Variants in ATXN7 observed in about 807,000 individuals in gnomAD.
ATXN7 encodes ataxin 7, also known as ataxin-7.
In ATXN7, 12 loss-of-function variants were observed where a neutral mutation model predicts 70.5. That is an observed-to-expected ratio of 0.17 (90% CI 0.11 to 0.28). The LOEUF (loss-of-function observed/expected upper bound fraction) is 0.28, where lower values mean the gene tolerates loss of function less well. ATXN7 is among the 10% of genes least tolerant of loss of function. ATXN7 has a pLI of 1.00. For missense variants in ATXN7, 1,256 were observed against 1,131.7 expected, an observed-to-expected ratio of 1.11 and a Z score of -1.58; for synonymous variants, 498 against 448.7, an observed-to-expected ratio of 1.11 and a Z score of -1.39.
chr3:63,998,655 G>A, intron 12 of ATXN7: 2 of 985,340 alleles, frequency 2.0e-6, no homozygotes, highest in African/African-American at 3.5e-5. Flanking sequence ...GCAAGAGCAG[G>A]GGTGCTTGCT....
At chr3:63,965,568 ATTTTAGTCTGTAGTATTT>A (rs2075207651) in intron 5 of ATXN7, among the ~76,000 whole-genome samples, 1 of 152,162 alleles carries the variant, frequency 6.6e-6, no homozygotes, top group African/African-American at 2.4e-5. Context: ...TTAAGATGTT[ATTTTAGTCTGTAGTATTT>A]TTTTAGTCTG....
chr3:63,961,724 T>C (rs1446890948), intron 5 of ATXN7, among the ~76,000 whole-genome samples: 1 of 152,016 alleles, frequency 6.6e-6, no homozygotes, highest in African/African-American at 2.4e-5. Context: ...AAAGGCTTAA[T>C]AAAAATTAAG....
intron 5 of ATXN7, among the ~76,000 whole-genome samples, chr3:63,973,141 G>T (rs2075340769): frequency 6.6e-6 from 1 of 152,142 alleles, no homozygotes; most frequent in Admixed American, 6.5e-5. Flanking sequence ...TTAGTAACTG[G>T]CAGAGCAAGG....
chr3:63,990,789 T>C lies in ATXN7; in HGVS notation c.1612T>C (p.Ser538Pro). The part of the protein sequence containing the change: ...QIGRGYYVFD[S>P]RWNRLRCALN... Reference sequence around the variant, plus strand: ...AGGAAGAGGCTATTACGTGTTTGACTCCAGGTGGAATCGACTTCGCTGCGC... The same window carrying C: ...AGGAAGAGGCTATTACGTGTTTGACCCCAGGTGGAATCGACTTCGCTGCGC... Residue 538 changes from serine (S) to proline (P), a missense_variant, in exon 11 of 13, where the codon TCC (serine) becomes CCC (proline). Transcript: ENST00000674280. 6.2e-7 allele frequency: 1 copy of C among 1,614,204 alleles called. No individual in the cohort carries two copies. Among genetic ancestry groups the C allele is most frequent in the Non-Finnish European group, 8.5e-7 (1 of 1,180,034 alleles).
At chr3:63,922,491 A>G (rs1174072596) in intron 4 of ATXN7, among the ~76,000 whole-genome samples, 1 of 152,156 alleles carries the variant, frequency 6.6e-6, no homozygotes, top group Non-Finnish European at 1.5e-5. Flanking sequence ...GTACTTGCTC[A>G]TCTTCTGGAA....
At chr3:63,986,973 A>G (rs182181214) in intron 8 of ATXN7, among the ~76,000 whole-genome samples, 147 of 152,284 alleles carry the variant, frequency 9.7e-4, no homozygotes, top group Middle Eastern at 6.8e-3. Flanking sequence ...ATTAGGGGCC[A>G]CTGTAGCTCA....
Position 63,863,908 on chromosome 3 carries a change from G to A in ATXN7, c.-361G>A. On this transcript the variant is annotated 5_prime_UTR_variant, in exon 1 of 13. Transcript: ENST00000674280. ...AACAGCCATGGAGGAGGAGGCGGCGGCGCCCGCGGCCGCCTGCTCCGACGC... is the reference window on the plus strand; with the variant it reads ...AACAGCCATGGAGGAGGAGGCGGCGACGCCCGCGGCCGCCTGCTCCGACGC... The A allele has an allele frequency of 1.9e-6, 2 of 1,062,940 alleles. No homozygotes were observed. The highest frequency in any genetic ancestry group is 2.3e-6 in the Non-Finnish European group (2 of 875,958). 65.8% of individuals were successfully genotyped at this position (1,062,940 alleles called of 1,614,324 possible).
intron 12 of ATXN7, 183 bp downstream of exon 12, chr3:63,996,666 A>C: frequency 1.3e-6 from 1 of 740,998 alleles, no homozygotes; most frequent in Non-Finnish European, 2.1e-6. Flanking sequence ...TGAAGGTAAA[A>C]CAGGCTCTTC....
At chr3:63,987,293 A>G (rs1428178113) in intron 8 of ATXN7, among the ~76,000 whole-genome samples, 3 of 152,220 alleles carry the variant, frequency 2.0e-5, no homozygotes, top group South Asian at 4.1e-4. Context: ...AAACACTGCC[A>G]TAATTTGACT....
intron 9 of ATXN7, among the ~76,000 whole-genome samples, chr3:63,988,786 A>G (rs994629410): frequency 5.9e-5 from 9 of 152,200 alleles, no homozygotes; most frequent in Non-Finnish European, 7.3e-5. Context: ...GCTTTGGCCC[A>G]AGCATGTATT....
chr3:63,948,438 G>A (rs2074901749), intron 4 of ATXN7, among the ~76,000 whole-genome samples: 1 of 152,156 alleles, frequency 6.6e-6, no homozygotes, highest in South Asian at 2.1e-4. Flanking sequence ...AGGCAGTCTG[G>A]TACGTGAAAC....
rs966848279 is a variant in ATXN7 at position 63,864,052 on chromosome 3, GC to G, written c.-216del. The stretch of plus-strand genomic sequence containing the variant: ...CCGGCGCGAGTTGGGGCGAGGCTTG[GC>G]GGCCGGCGGCGGCCCCGGCTGCAGC... On this transcript the variant is annotated 5_prime_UTR_variant, in exon 1 of 13. The change creates a premature stop within an existing upstream ORF in the 5' untranslated region. Transcript: ENST00000674280. The G allele has an allele frequency of 6.9e-6, 1 of 145,478 alleles. No individual in the cohort carries two copies. The highest frequency in any genetic ancestry group is 6.8e-5 in the Admixed American group (1 of 14,682). 9.0% of individuals were successfully genotyped at this position (145,478 alleles called of 1,614,324 possible).
chr3:63,970,372 C>G (rs967721724), intron 5 of ATXN7, among the ~76,000 whole-genome samples: 4 of 152,004 alleles, frequency 2.6e-5, no homozygotes, highest in African/African-American at 9.7e-5. Context: ...ACTCAGACCA[C>G]TCAGTTTTAT....
At chr3:63,891,553 C>A (rs1703263771) in intron 1 of ATXN7, among the ~76,000 whole-genome samples, 1 of 149,960 alleles carries the variant, frequency 6.7e-6, no homozygotes, top group African/African-American at 2.5e-5. Context: ...GAACTCCTGG[C>A]CTCAAGGGAT....
At chr3:63,977,247 G>C (rs192002601) in intron 5 of ATXN7, among the ~76,000 whole-genome samples, 3 of 152,294 alleles carry the variant, frequency 2.0e-5, no homozygotes, top group Non-Finnish European at 2.9e-5. Flanking sequence ...TTGTTTCTTA[G>C]TATATCGGTG....
chr3:63,930,124 T>A (rs1704891302), intron 4 of ATXN7, among the ~76,000 whole-genome samples: 1 of 152,214 alleles, frequency 6.6e-6, no homozygotes, highest in African/African-American at 2.4e-5. Flanking sequence ...ATTTTAATGG[T>A]TCTGAAATAG....
intron 5 of ATXN7, among the ~76,000 whole-genome samples, chr3:63,971,539 A>G (rs2075312485): frequency 6.6e-6 from 1 of 152,200 alleles, no homozygotes; most frequent in Admixed American, 6.5e-5. Flanking sequence ...GAAGAATAAG[A>G]AAATTTAGAG....
intron 4 of ATXN7, among the ~76,000 whole-genome samples, chr3:63,949,785 T>C (rs1464513880): frequency 6.6e-6 from 1 of 152,130 alleles, no homozygotes; most frequent in Non-Finnish European, 1.5e-5. Context: ...GTGCATGCTT[T>C]TTAGAGAGAT....
chr3:63,935,071 A>G (rs998567404), intron 4 of ATXN7, among the ~76,000 whole-genome samples: 7 of 152,190 alleles, frequency 4.6e-5, no homozygotes, highest in Non-Finnish European at 1.0e-4. Context: ...GTATGTAGAA[A>G]TGTTCTTCAG....
Sources: allele counts gnomAD v4.1 joint callset (sites outside exome capture counted in the v4.1 genomes callset), GRCh38; gene constraint gnomAD v4.1.1; transcripts MANE v1.5; gene names NCBI Gene and HGNC (gene_info 2026-07-23, HGNC 2026-07-21).